CRTC1: variants seen among roughly 807,000 people sequenced by gnomAD.
CRTC1 encodes CREB regulated transcription coactivator 1.
A neutral mutation model predicts 66.1 loss-of-function variants in CRTC1; 18 were observed. The observed-to-expected ratio is 0.27, with a 90% CI of 0.19 to 0.40. The LOEUF is 0.40. Among genes scored for constraint, CRTC1 ranks in the 10% least tolerant of loss-of-function variants. The probability of loss-of-function intolerance (pLI) is 1.00; values close to 1 mark genes in which losing one functional copy is unlikely to be tolerated. For synonymous variants in CRTC1, 416 were observed against 398.8 expected, an observed-to-expected ratio of 1.04 and a Z score of -0.51; for missense variants, 669 against 887.9, an observed-to-expected ratio of 0.75 and a Z score of 3.13.
In CRTC1 at chr19:18,747,105, G is replaced by A. The variant is rs2054258156; in HGVS notation, c.434G>A (p.Ser145Asn). Reference protein sequence around the residue: ...TMYLSPPADTSWRRTNSDSAL... With the variant: ...TMYLSPPADTNWRRTNSDSAL... ...TACCTCTCACCACCCGCGGACACCA[G>A]CTGGAGAAGGTCAGTGGCTGGACAC... The change falls in exon 4 of 14, where the codon AGC becomes AAC. Residue 145 changes from serine to asparagine, a missense_variant. By Grantham distance (46) the Ser-to-Asn change is conservative (BLOSUM62 1). Transcript: ENST00000321949. 1 of 1,610,580 alleles carries A rather than the reference G, an allele frequency of 6.2e-7. No individual in the cohort carries two copies. Among genetic ancestry groups the A allele is most frequent in the South Asian group, 1.1e-5 (1 of 90,892 alleles).
intron 1 of CRTC1, among the ~76,000 whole-genome samples, chr19:18,693,124 C>G (rs989494670): frequency 5.5e-5 from 8 of 146,286 alleles, no homozygotes; most frequent in African/African-American, 2.0e-4. Context: ...GGTATGGTAG[C>G]TCACACCTGT....
intron 8 of CRTC1, 54 bp from the exon 9 acceptor site, chr19:18,765,350 T>C: frequency 6.4e-7 from 1 of 1,567,958 alleles, no homozygotes; most frequent in Non-Finnish European, 8.7e-7. Context: ...TAAGCAGCCC[T>C]TTCTCAGTGA....
At chr19:18,705,965 CTCT>C (rs1460727428) in intron 1 of CRTC1, among the ~76,000 whole-genome samples, 2 of 131,636 alleles carry the variant, frequency 1.5e-5, no homozygotes, top group South Asian at 2.3e-4. Context: ...CTCTCTCTCT[CTCT>C]TTTTTTTTTT....
rs1173946870 is a variant in CRTC1 at position 18,741,160 on chromosome 19, G to T, written c.127-1750G>T. 5.9e-5 allele frequency among the ~76,000 whole-genome samples: 9 copies of T among 152,230 alleles called. No homozygotes were observed. The highest frequency in any genetic ancestry group is 5.9e-4 in the Admixed American group (9 of 15,288). ...TGGGCAAGGTTTGGACAGAGATGGG[G>T]CTTGGGAACCATGAGAGTTCTGTGT... On this transcript the variant is annotated intron_variant, in intron 1 of 13. Coordinates refer to ENST00000321949, the MANE Select transcript of CRTC1 (RefSeq NM_015321.3). The surrounding 1 kb of genome is among the most constrained non-coding windows in gnomAD (Gnocchi z 4.2).
chr19:18,750,597 C>T (rs2054342114), intron 5 of CRTC1, among the ~76,000 whole-genome samples: 1 of 152,200 alleles, frequency 6.6e-6, no homozygotes, highest in East Asian at 1.9e-4. Flanking sequence ...CTGGTGTGGC[C>T]CAAGGCACTG....
intron 6 of CRTC1, among the ~76,000 whole-genome samples, chr19:18,758,180 T>A (rs1378492473): frequency 1.3e-5 from 2 of 149,838 alleles, no homozygotes; most frequent in East Asian, 2.0e-4. Flanking sequence ...GCTAACACGG[T>A]GAAACCCCGT....
At chr19:18,743,533 G>A (rs2054158392) in intron 2 of CRTC1, among the ~76,000 whole-genome samples, 1 of 152,196 alleles carries the variant, frequency 6.6e-6, no homozygotes, top group Non-Finnish European at 1.5e-5. Context: ...CCTGGTCTGC[G>A]GGTGGAGATG....
In CRTC1 at chr19:18,760,198, A is replaced by T; in HGVS notation, c.856A>T (p.Thr286Ser). The T allele has an allele frequency of 6.2e-7, 1 of 1,612,068 alleles. No individual in the cohort carries two copies. Among genetic ancestry groups the T allele is most frequent in the Non-Finnish European group, 8.5e-7 (1 of 1,179,210 alleles). The change falls in exon 8 of 14, where the codon ACG (threonine) becomes TCG (serine). Residue 286 changes from threonine to serine, a missense_variant. Coordinates refer to ENST00000321949, the MANE Select transcript of CRTC1 (RefSeq NM_015321.3). This position sits in a 1 kb window ranked among gnomAD's most constrained non-coding sequence, Gnocchi z 6.2. Reference sequence around the variant, plus strand: ...CACCGGCAACCTCGCGGCCAACCTGACGCACCTGGGCATCGGTGGCGCCGG... The same window carrying T: ...CACCGGCAACCTCGCGGCCAACCTGTCGCACCTGGGCATCGGTGGCGCCGG... ...SSTGNLAANL[T>S]HLGIGGAGQG...
Position 18,775,908 on chromosome 19 carries a change from G to A in CRTC1, c.1693+87G>A, listed in dbSNP as rs2054978118. 5.7e-6 allele frequency: 8 copies of A among 1,391,478 alleles called. No individual in the cohort carries two copies. The Admixed American group carries it at 1.3e-4, about 23-fold the overall frequency. The allele number at this position is 1,391,478 out of a possible 1,614,324, so 86.2% of individuals were successfully genotyped here. A position where few individuals can be genotyped will look rare whatever the true frequency, so the allele number is the denominator to read the frequency against. On this transcript the variant is annotated intron_variant, in intron 13 of 13. Coordinates refer to ENST00000321949, the MANE Select transcript of CRTC1 (RefSeq NM_015321.3). ...GCCAGAGACTGCTGTCCCGCAGCAG[G>A]AGGGTTGACAGGGCCGGGGTTGTGA... is the stretch of plus-strand genomic sequence containing the variant.
intron 1 of CRTC1, among the ~76,000 whole-genome samples, chr19:18,723,472 T>G (rs909328883): frequency 4.6e-5 from 7 of 152,064 alleles, no homozygotes; most frequent in African/African-American, 1.7e-4. Context: ...GAGGAAGGGA[T>G]GAAGGGTGGG....
chr19:18,774,722 GA>G (rs1209703740), intron 11 of CRTC1, among the ~76,000 whole-genome samples, 177 bp from the exon 12 acceptor site: 2 of 152,074 alleles, frequency 1.3e-5, no homozygotes, highest in African/African-American at 4.8e-5. Context: ...GCAGGTGGCA[GA>G]AAAAAAGTCA....
intron 8 of CRTC1, among the ~76,000 whole-genome samples, chr19:18,761,128 C>T (rs1001475017): frequency 3.9e-5 from 6 of 152,226 alleles, no homozygotes; most frequent in African/African-American, 1.4e-4. Context: ...GGCTGCAGGC[C>T]TCCCTCCCTC....
chr19:18,709,499 G>A (rs2053340993), intron 1 of CRTC1, among the ~76,000 whole-genome samples: 2 of 152,154 alleles, frequency 1.3e-5, no homozygotes, highest in Non-Finnish European at 2.9e-5. Flanking sequence ...AGGAGGGAGC[G>A]GGCAGGTTAA....
chr19:18,749,734 G>A (rs2054321525), intron 4 of CRTC1, 47 bp from the exon 5 acceptor site: 2 of 1,504,194 alleles, frequency 1.3e-6, no homozygotes, highest in African/African-American at 1.4e-5. Context: ...CTATCGCATT[G>A]TCTGCCTTGG....
At position 18,768,613 on chromosome 19, in the gene CRTC1, ACCACCCCCG is replaced by A; in HGVS notation, c.1149_1157del (p.Pro384_Pro386del). On this transcript the variant is annotated inframe_deletion, in exon 10 of 14. Transcript: ENST00000321949. This position sits in a 1 kb window ranked among gnomAD's most constrained non-coding sequence, Gnocchi z 5.6. ...CTCCTCCACCCGCGTCCCAGCAGCC[ACCACCCCCG>A]CCACCCCCACAGGCGCCCGTCCGCC... is the stretch of plus-strand genomic sequence containing the variant. 3 of 1,243,116 alleles carry A rather than the reference ACCACCCCCG, an allele frequency of 2.4e-6. No individual in the cohort carries two copies. The highest frequency in any genetic ancestry group is 1.7e-5 in the African/African-American group (1 of 60,442). The allele number at this position is 1,243,116 out of a possible 1,614,324, so 77.0% of individuals were successfully genotyped here.
intron 12 of CRTC1, 21 bp downstream of exon 12, chr19:18,775,007 C>T (rs749488695): frequency 3.1e-6 from 5 of 1,598,830 alleles, no homozygotes; most frequent in Non-Finnish European, 4.2e-6. Flanking sequence ...GCCCAGGCTG[C>T]CAGCCGGCCG....
intron 5 of CRTC1, among the ~76,000 whole-genome samples, chr19:18,752,085 G>A (rs1007450059): frequency 1.3e-5 from 2 of 150,540 alleles, no homozygotes; most frequent in South Asian, 2.1e-4. Flanking sequence ...CCCAGTAGGC[G>A]CAGGTTGCAG....
At position 18,778,723 on chromosome 19, in the gene CRTC1, C is replaced by T. The variant is rs866120107; in HGVS notation, c.*1341C>T. The T allele has an allele frequency of 2.3e-4, 53 of 231,110 alleles. No individual in the cohort carries two copies. The highest frequency in any genetic ancestry group is 1.1e-3 in the African/African-American group (52 of 45,346). The allele number at this position is 231,110 out of a possible 1,614,324, so 14.3% of individuals were successfully genotyped here. A position where few individuals can be genotyped will look rare whatever the true frequency, so the allele number is the denominator to read the frequency against. On this transcript the variant is annotated 3_prime_UTR_variant, in exon 14 of 14. Coordinates refer to ENST00000321949, the MANE Select transcript of CRTC1 (RefSeq NM_015321.3). The stretch of plus-strand genomic sequence containing the variant: ...ATGCCATGACCAGTGGCAGCTGAGA[C>T]CTCTCTGCCCCAAGAGTGTGGGGGA...
intron 9 of CRTC1, among the ~76,000 whole-genome samples, chr19:18,767,394 T>C (rs1377920348): frequency 6.6e-6 from 1 of 152,150 alleles, no homozygotes; most frequent in African/African-American, 2.4e-5. Context: ...AGACAGAGTT[T>C]CGTCTTGTTG....
Sources: gnomAD v4.1 joint callset for allele counts (sites outside exome capture counted in the v4.1 genomes callset) on GRCh38, gnomAD v4.1.1 for gene constraint, Gnocchi (gnomAD v3.1) non-coding constraint, MANE v1.5 for transcripts, NCBI Gene and HGNC (gene_info 2026-07-23, HGNC 2026-07-21) for gene names.